Variants in RIMS2 observed in about 807,000 individuals in gnomAD.
RIMS2 encodes the protein regulating synaptic membrane exocytosis 2, also known as regulating synaptic membrane exocytosis protein 2.
Under a neutral mutation model 174.4 loss-of-function variants are expected in RIMS2, and 59 were observed. That is an observed-to-expected ratio of 0.34 (90% CI 0.27 to 0.42). The LOEUF is 0.42. Among genes scored for constraint, RIMS2 ranks in the 10% least tolerant of loss-of-function variants. The probability of loss-of-function intolerance (pLI) is 1.00; values close to 1 mark genes in which losing one functional copy is unlikely to be tolerated. For synonymous variants in RIMS2, 606 were observed against 572.5 expected, an observed-to-expected ratio of 1.06 and a Z score of -0.84; for missense variants, 1,620 against 1,666.3, an observed-to-expected ratio of 0.97 and a Z score of 0.48.
chr8:103,760,328 CA>C (rs1312038645), intron 2 of RIMS2, among the ~76,000 whole-genome samples: 4 of 152,170 alleles, frequency 2.6e-5, no homozygotes, highest in East Asian at 1.9e-4. Flanking sequence ...CTGCTTGTAT[CA>C]GGGGCATCAG....
At chr8:103,869,213 A>G (rs1254831224) in intron 3 of RIMS2, among the ~76,000 whole-genome samples, 19 of 136,114 alleles carry the variant, frequency 1.4e-4, no homozygotes, top group Non-Finnish European at 1.3e-4. Context: ...TTTTTTTTTT[A>G]AGACGGAATT....
chr8:103,954,099 T>C (rs950045548), intron 14 of RIMS2, among the ~76,000 whole-genome samples: 2 of 152,190 alleles, frequency 1.3e-5, no homozygotes, highest in African/African-American at 4.8e-5. Context: ...CCCAGATTCA[T>C]AAAGCAAGTT....
intron 19 of RIMS2, among the ~76,000 whole-genome samples, chr8:104,123,810 TAGG>T (rs1250240974): frequency 6.6e-6 from 1 of 151,968 alleles, no homozygotes; most frequent in Non-Finnish European, 1.5e-5. Flanking sequence ...TGTAGGAAAA[TAGG>T]AGAATAGTAA....
intron 3 of RIMS2, chr8:103,819,255 T>C: frequency 7.7e-7 from 1 of 1,299,862 alleles, no homozygotes; most frequent in Non-Finnish European, 9.8e-7. Context: ...AGCTTACTGC[T>C]GTTTAGAATT....
intron 2 of RIMS2, among the ~76,000 whole-genome samples, chr8:103,720,511 T>G (rs544747933): frequency 6.6e-6 from 1 of 152,334 alleles, no homozygotes; most frequent in African/African-American, 2.4e-5. Flanking sequence ...GTAAATCACC[T>G]TAATAAAATC....
chr8:104,161,953 T>G (rs1021305295), intron 19 of RIMS2, among the ~76,000 whole-genome samples: 17 of 152,200 alleles, frequency 1.1e-4, no homozygotes, highest in South Asian at 2.1e-4. Context: ...TCTCTGACTA[T>G]CCATTCTCCC....
chr8:103,549,500 C>T (rs577922164), intron 1 of RIMS2, among the ~76,000 whole-genome samples: 18 of 152,280 alleles, frequency 1.2e-4, no homozygotes, highest in Admixed American at 7.8e-4. Flanking sequence ...CAACCAGTAC[C>T]AGCCACTGCA....
chr8:104,081,379 T>C (rs1267902408), intron 19 of RIMS2, among the ~76,000 whole-genome samples: 1 of 152,070 alleles, frequency 6.6e-6, no homozygotes, highest in Non-Finnish European at 1.5e-5. Context: ...GTTAATATGA[T>C]ATTATTGTCA....
At chr8:103,763,088 AG>A (rs1434999881) in intron 2 of RIMS2, among the ~76,000 whole-genome samples, 57 of 152,100 alleles carry the variant, frequency 3.7e-4, no homozygotes, top group Non-Finnish European at 8.8e-5. Flanking sequence ...TTAATCCAAG[AG>A]TAGGAGGAGA....
intron 3 of RIMS2, among the ~76,000 whole-genome samples, chr8:103,782,597 G>A (rs2098402402): frequency 1.3e-5 from 2 of 152,074 alleles, no homozygotes; most frequent in Admixed American, 1.3e-4. Context: ...TAGAAAGGAT[G>A]TACAAAGTTA....
chr8:103,794,073 A>G (rs1479837067), intron 3 of RIMS2, among the ~76,000 whole-genome samples: 1 of 152,194 alleles, frequency 6.6e-6, no homozygotes, highest in Non-Finnish European at 1.5e-5. Flanking sequence ...ACAGAATTGA[A>G]AAAAACTATG....
chr8:103,786,567 G>T (rs915359490), intron 3 of RIMS2, among the ~76,000 whole-genome samples: 1 of 152,176 alleles, frequency 6.6e-6, no homozygotes, highest in African/African-American at 2.4e-5. Flanking sequence ...CAGTTTTCAT[G>T]TAGTTGAGCG....
chr8:104,242,605 C>G (rs909623613), intron 19 of RIMS2, among the ~76,000 whole-genome samples: 1 of 152,280 alleles, frequency 6.6e-6, no homozygotes, highest in East Asian at 1.9e-4. Context: ...AGAGACTAGG[C>G]CAACTTTCTT....
chr8:104,098,767 A>G (rs1451183517), intron 19 of RIMS2, among the ~76,000 whole-genome samples: 12 of 152,210 alleles, frequency 7.9e-5, no homozygotes, highest in Non-Finnish European at 1.3e-4. Context: ...TGAAACATTT[A>G]TTCAAAGTCA....
At chr8:104,024,956 A>C (rs2096214143) in intron 19 of RIMS2, among the ~76,000 whole-genome samples, 1 of 152,156 alleles carries the variant, frequency 6.6e-6, no homozygotes, top group South Asian at 2.1e-4. Context: ...CTGAAATATA[A>C]ATATTCCTGA....
At chr8:104,017,875 A>G (rs2095967812) in intron 19 of RIMS2, among the ~76,000 whole-genome samples, 1 of 152,144 alleles carries the variant, frequency 6.6e-6, no homozygotes, top group South Asian at 2.1e-4. Context: ...CGGGAGTTCA[A>G]GACCAGCCTC....
intron 17 of RIMS2, among the ~76,000 whole-genome samples, chr8:104,007,298 G>A (rs920727197): frequency 1.3e-5 from 2 of 151,872 alleles, no homozygotes; most frequent in Non-Finnish European, 2.9e-5. Context: ...TCCTAATCTA[G>A]CTCATTCTCT....
At chr8:103,545,900 A>G (rs1224036993) in intron 1 of RIMS2, among the ~76,000 whole-genome samples, 1 of 152,166 alleles carries the variant, frequency 6.6e-6, no homozygotes, top group African/African-American at 2.4e-5. Flanking sequence ...AGGGCTAAAT[A>G]TGGAAAGACT....
At chr8:104,081,722 C>T (rs1440434933) in intron 19 of RIMS2, among the ~76,000 whole-genome samples, 1 of 151,954 alleles carries the variant, frequency 6.6e-6, no homozygotes, top group Non-Finnish European at 1.5e-5. Context: ...TAATCTTAAT[C>T]ACTTCTCTAT....
Sources: gnomAD v4.1 joint callset for allele counts (sites outside exome capture counted in the v4.1 genomes callset) on GRCh38, gnomAD v4.1.1 for gene constraint, MANE v1.5 for transcripts, NCBI Gene and HGNC (gene_info 2026-07-23, HGNC 2026-07-21) for gene names.